TMEM132C: variants seen among roughly 807,000 people sequenced by gnomAD.
TMEM132C encodes the protein protein phosphatase 1, regulatory subunit 152.
TMEM132C carries 29 observed loss-of-function variants against 61.4 expected under a neutral mutation model. That is an observed-to-expected ratio of 0.47 (90% CI 0.35 to 0.64). The LOEUF is 0.64. Ranked by LOEUF, TMEM132C falls within the 30% of genes least tolerant of loss-of-function variation. The pLI, the probability that TMEM132C is intolerant of heterozygous loss-of-function variation, is 0.00. For missense variants in TMEM132C, 1,408 were observed against 1,476.9 expected (o/e 0.95, Z 0.76); for synonymous variants, 656 against 633.1 (o/e 1.04, Z -0.54).
In TMEM132C at chr12:128,360,273, CA is replaced by C. The variant is rs1565912290; in HGVS notation, c.86-54458del. 6.2e-3 allele frequency among the ~76,000 whole-genome samples: 937 copies of C among 151,832 alleles called. 11 individuals carry two copies. The highest frequency in any genetic ancestry group is 0.02 in the African/African-American group (812 of 41,396). On this transcript the variant is annotated intron_variant, in intron 1 of 8. Transcript: ENST00000435159. ...ACACACACACACACACACACACACACACACACACCCCAGGATAACAGAGAGA... is the reference window on the plus strand; with the variant it reads ...ACACACACACACACACACACACACACCACACACCCCAGGATAACAGAGAGA...
intron 5 of TMEM132C, among the ~76,000 whole-genome samples, chr12:128,691,872 C>T (rs1025105531): frequency 6.2e-5 from 9 of 146,026 alleles, no homozygotes; most frequent in South Asian, 2.2e-4. Context: ...CACCTGTCCA[C>T]CCATCCATTC....
At chr12:128,694,328 A>G (rs1010041159) in intron 6 of TMEM132C, among the ~76,000 whole-genome samples, 3 of 152,154 alleles carry the variant, frequency 2.0e-5, no homozygotes, top group Non-Finnish European at 4.4e-5. Flanking sequence ...TTACCAGGTA[A>G]TTTGAAGTTT....
At chr12:128,303,737 A>G (rs1322558758) in intron 1 of TMEM132C, among the ~76,000 whole-genome samples, 1 of 152,090 alleles carries the variant, frequency 6.6e-6, no homozygotes, top group Non-Finnish European at 1.5e-5. Flanking sequence ...CAAAAGGTAG[A>G]GTCTTATTTT....
At chr12:128,340,527 A>C (rs932880034) in intron 1 of TMEM132C, among the ~76,000 whole-genome samples, 2 of 149,746 alleles carry the variant, frequency 1.3e-5, no homozygotes, top group African/African-American at 5.1e-5. Context: ...GCAAAGACCC[A>C]GTATATTAAT....
chr12:128,339,407 C>T (rs549249416), intron 1 of TMEM132C, among the ~76,000 whole-genome samples: 3 of 152,078 alleles, frequency 2.0e-5, no homozygotes, highest in South Asian at 2.1e-4. Context: ...GGGTGTCTGC[C>T]GATTTCATCC....
At chr12:128,703,596 C>T (rs1490809486) in intron 8 of TMEM132C, among the ~76,000 whole-genome samples, 1 of 152,148 alleles carries the variant, frequency 6.6e-6, no homozygotes, top group Non-Finnish European at 1.5e-5. Context: ...CTGAAATATG[C>T]AATTCTAAGC....
rs56407388 is a variant in TMEM132C at position 128,486,876 on chromosome 12, A to AACACACACAC, written c.975-57045_975-57036dup. ...ATGCTTGTAAACATGTGTGCATGCA[A>AACACACACAC]ACACACACACACACACACACACACA... On this transcript the variant is annotated intron_variant, in intron 2 of 8. Transcript: ENST00000435159. 3.8e-3 allele frequency among the ~76,000 whole-genome samples: 496 copies of AACACACACAC among 131,212 alleles called. 5 individuals are homozygous for AACACACACAC. Among genetic ancestry groups the AACACACACAC allele is most frequent in the African/African-American group, 0.013 (457 of 35,310 alleles). The allele number at this position is 131,212 out of a possible 152,430, so 86.1% of individuals were successfully genotyped here.
At chr12:128,478,564 A>G (rs1357250644) in intron 2 of TMEM132C, among the ~76,000 whole-genome samples, 1 of 152,172 alleles carries the variant, frequency 6.6e-6, no homozygotes, top group Non-Finnish European at 1.5e-5. Context: ...AACCCTACCC[A>G]GCCTCTGCTT....
chr12:128,468,756 C>T (rs1280786231), intron 2 of TMEM132C, among the ~76,000 whole-genome samples: 3 of 152,060 alleles, frequency 2.0e-5, no homozygotes, highest in East Asian at 3.9e-4. Flanking sequence ...GGTACATTAA[C>T]TTTTTTATTT....
intron 4 of TMEM132C, among the ~76,000 whole-genome samples, chr12:128,654,019 C>A (rs1954299689): frequency 6.6e-6 from 1 of 152,196 alleles, no homozygotes; most frequent in African/African-American, 2.4e-5. Context: ...TGTTGAATGT[C>A]AAATGTGGCA....
intron 3 of TMEM132C, among the ~76,000 whole-genome samples, chr12:128,606,958 A>G (rs936764972): frequency 1.6e-4 from 25 of 152,192 alleles, no homozygotes; most frequent in African/African-American, 2.4e-4. Context: ...CGGGGCTTAC[A>G]TTTTAGATAA....
intron 1 of TMEM132C, among the ~76,000 whole-genome samples, chr12:128,306,481 C>T (rs1871788427): frequency 1.3e-5 from 2 of 152,102 alleles, no homozygotes; most frequent in African/African-American, 2.4e-5. Flanking sequence ...GGATTACAGG[C>T]GTGAGCCACC....
intron 2 of TMEM132C, among the ~76,000 whole-genome samples, chr12:128,472,400 A>G (rs1432762474): frequency 6.6e-6 from 1 of 152,148 alleles, no homozygotes. Flanking sequence ...ATTGGGAAAT[A>G]TTAGGTTAGT....
intron 5 of TMEM132C, among the ~76,000 whole-genome samples, chr12:128,674,792 T>G (rs1208075029): frequency 1.3e-5 from 2 of 152,214 alleles, no homozygotes; most frequent in Non-Finnish European, 2.9e-5. Context: ...CAGTATACAC[T>G]GCACCATATT....
rs371113195 is a variant in TMEM132C at position 128,270,274 on chromosome 12, C to T, written c.85+2787C>T. On this transcript the variant is annotated intron_variant, in intron 1 of 8. Transcript: ENST00000435159. ...TTTCAAGATTTAGAATTACTGATAT[C>T]TTTGAATGACAAGATAGAAGGAAAG... Among the ~76,000 whole-genome samples the T allele has an allele frequency of 3.9e-5, 6 of 152,262 alleles. No homozygotes were observed. In the South Asian group the frequency reaches 1.2e-3, roughly 32 times the overall value.
At chr12:128,399,468 T>C (rs1875074124) in intron 1 of TMEM132C, among the ~76,000 whole-genome samples, 1 of 152,220 alleles carries the variant, frequency 6.6e-6, no homozygotes, top group African/African-American at 2.4e-5. Context: ...CAAATGCACA[T>C]ATTTAAATTC....
chr12:128,674,070 C>T (rs1299046013), intron 5 of TMEM132C, among the ~76,000 whole-genome samples: 1 of 152,198 alleles, frequency 6.6e-6, no homozygotes, highest in African/African-American at 2.4e-5. Context: ...AGTTTGGCAA[C>T]CATCACCATG....
rs1328754626 is a variant in TMEM132C at position 128,706,109 on chromosome 12, C to A, written c.3141C>A (p.Pro1047=). The change falls in exon 9 of 9, where the codon CCC becomes CCA. Residue 1047 remains proline, a synonymous_variant. Transcript: ENST00000435159. ...REQKQDPLHS[P]TSKRKKVKFT... is the part of the protein sequence containing the mutation. ...AGAAGCAGGACCCCCTGCACTCGCC[C>A]ACCTCCAAGAGGAAGAAGGTGAAAT... The A allele has an allele frequency of 1.3e-6, 2 of 1,551,488 alleles. No homozygotes were observed. Among genetic ancestry groups the A allele is most frequent in the Admixed American group, 3.9e-5 (2 of 50,990 alleles).
At chr12:128,275,255 C>T (rs541123128) in intron 1 of TMEM132C, among the ~76,000 whole-genome samples, 1 of 152,290 alleles carries the variant, frequency 6.6e-6, no homozygotes, top group South Asian at 2.1e-4. Flanking sequence ...GCGAGCAATG[C>T]TTCCTCTGAA....
Sources: gnomAD v4.1 joint callset for allele counts (sites outside exome capture counted in the v4.1 genomes callset) on GRCh38, gnomAD v4.1.1 for gene constraint, MANE v1.5 for transcripts, NCBI Gene and HGNC (gene_info 2026-07-23, HGNC 2026-07-21) for gene names.